Variants in SF3B3 observed in about 807,000 individuals in gnomAD.
The protein encoded by SF3B3 is splicing factor 3b subunit 3.
In SF3B3, 33 loss-of-function variants were observed where a neutral mutation model predicts 139.2. That is an observed-to-expected ratio of 0.24 (90% CI 0.18 to 0.32). The LOEUF (loss-of-function observed/expected upper bound fraction) is 0.32, where lower values mean the gene tolerates loss of function less well. Among genes scored for constraint, SF3B3 ranks in the 10% least tolerant of loss-of-function variants. The pLI, the probability that SF3B3 is intolerant of heterozygous loss-of-function variation, is 1.00. For missense variants in SF3B3, 818 were observed against 1,509.4 expected (o/e 0.54, Z 7.59); for synonymous variants, 596 against 563.6 (o/e 1.06, Z -0.81).
rs1249818247 is a variant in SF3B3, at chr16:70,563,969, T to C, written c.2382T>C (p.Ser794=). The stretch of plus-strand genomic sequence containing the variant: ...GGAAATTTGTCATCCACCCTGAGAG[T>C]AACAACCTTATTATCATTGAAACGG... The part of the protein sequence containing the change: ...TPRKFVIHPE[S]NNLIIIETDH... The change falls in exon 18 of 26, where the codon AGT becomes AGC. Residue 794 remains serine, a synonymous_variant. Coordinates refer to ENST00000302516, the MANE Select transcript of SF3B3 (RefSeq NM_012426.5). 5.6e-6 allele frequency: 9 copies of C among 1,613,862 alleles called. No individual in the cohort carries two copies. Among genetic ancestry groups the C allele is most frequent in the Non-Finnish European group, 7.6e-6 (9 of 1,180,004 alleles).
intron 4 of SF3B3, 61 bp downstream of exon 4, chr16:70,530,978 T>C: frequency 6.7e-7 from 1 of 1,499,378 alleles, no homozygotes; most frequent in Non-Finnish European, 9.0e-7. Flanking sequence ...TTTTTAAGAT[T>C]GTTTTCCGGC....
At chr16:70,536,066 T>G (rs2050162815) in intron 6 of SF3B3, among the ~76,000 whole-genome samples, 1 of 152,202 alleles carries the variant, frequency 6.6e-6, no homozygotes, top group Admixed American at 6.5e-5. Context: ...TATAGTTACC[T>G]TATGTATAGT....
In SF3B3 at chr16:70,561,611, G is replaced by GTTTTTTTTTTTTTTT; in HGVS notation, c.2134-9_2134-8insTTTTTTTTTTTTTTT. ...TTTTCCCAAACCTTATTGGAGCTGG[G>GTTTTTTTTTTTTTTT]TTTTTTTTTTCCCCTCAGGTATTGG... On this transcript the variant is annotated intron_variant, in intron 16 of 25. Coordinates refer to ENST00000302516, the MANE Select transcript of SF3B3 (RefSeq NM_012426.5). 1.4e-6 allele frequency: 2 copies of GTTTTTTTTTTTTTTT among 1,470,084 alleles called. No homozygotes were observed. Among genetic ancestry groups the GTTTTTTTTTTTTTTT allele is most frequent in the Admixed American group, 1.8e-5 (1 of 54,092 alleles). 91.1% of individuals were successfully genotyped at this position (1,470,084 alleles called of 1,614,324 possible). A position where few individuals can be genotyped will look rare whatever the true frequency, so the allele number is the denominator to read the frequency against.
At chr16:70,542,708 C>A (rs972366071) in intron 9 of SF3B3, among the ~76,000 whole-genome samples, 1 of 150,014 alleles carries the variant, frequency 6.7e-6, no homozygotes, top group Non-Finnish European at 1.5e-5. Flanking sequence ...TGACTAATTT[C>A]TTTTTTTTTC....
chr16:70,535,123 A>G (rs1189278491), intron 5 of SF3B3, among the ~76,000 whole-genome samples, 185 bp from the exon 6 acceptor site: 1 of 152,188 alleles, frequency 6.6e-6, no homozygotes, highest in Non-Finnish European at 1.5e-5. Context: ...CAAACCTTCC[A>G]TGTAAACACA....
At chr16:70,550,009 AG>A (rs940959333) in intron 11 of SF3B3, among the ~76,000 whole-genome samples, 2 of 152,170 alleles carry the variant, frequency 1.3e-5, no homozygotes, top group Non-Finnish European at 2.9e-5. Flanking sequence ...ATAGGGGTTG[AG>A]TGTCTCAAGA....
rs746383372 is a variant in SF3B3 at position 70,568,369 on chromosome 16, C to A, written c.3039C>A (p.Arg1013=). Residue 1013 remains arginine, a synonymous_variant, in exon 22 of 26, where the codon CGC becomes CGA. Transcript: ENST00000302516. ...TCCAAGAAAGTTTCATCTGGGTTCG[C>A]TACAAGCGTAATGAAAACCAGCTTA... is the stretch of plus-strand genomic sequence containing the variant. ...SDVQESFIWV[R]YKRNENQLII... The A allele has an allele frequency of 3.0e-5, 49 of 1,613,790 alleles. No homozygotes were observed. In the South Asian group the frequency reaches 4.7e-4, roughly 16 times the overall value.
In SF3B3 at chr16:70,526,623, C is replaced by G; in HGVS notation, c.-34C>G. 6.4e-7 allele frequency: 1 copy of G among 1,566,964 alleles called. No individual in the cohort carries two copies. The highest frequency in any genetic ancestry group is 8.8e-7 in the Non-Finnish European group (1 of 1,139,606). On this transcript the variant is annotated 5_prime_UTR_variant, in exon 2 of 26. Coordinates refer to ENST00000302516, the MANE Select transcript of SF3B3 (RefSeq NM_012426.5). The stretch of plus-strand genomic sequence containing the variant: ...TCCGTACTGTTGGTGTAACCAAGGC[C>G]TGGAGGTCTGGGTGGCTCAGGTTTC...
intron 20 of SF3B3, among the ~76,000 whole-genome samples, chr16:70,565,987 C>T (rs1407563812): frequency 2.0e-5 from 3 of 152,072 alleles, no homozygotes; most frequent in South Asian, 4.2e-4. Flanking sequence ...CATGGCGGCA[C>T]GCACCTGTAA....
intron 4 of SF3B3, among the ~76,000 whole-genome samples, chr16:70,531,354 G>T (rs28400424): frequency 6.6e-6 from 1 of 151,928 alleles, no homozygotes; most frequent in Non-Finnish European, 1.5e-5. Context: ...CCCAGGCTGG[G>T]GTGCAGTGGC....
At chr16:70,539,242 G>A in intron 8 of SF3B3, 35 bp downstream of exon 8, 1 of 1,495,090 alleles carries the variant, frequency 6.7e-7, no homozygotes, top group Non-Finnish European at 9.3e-7. Context: ...GTTCACCCTG[G>A]TTGGGATAAA....
chr16:70,573,685 T>C lies in SF3B3; in HGVS notation c.*1872T>C, dbSNP rs1415340952. The C allele has an allele frequency of 6.6e-6, 1 of 152,236 alleles. No individual in the cohort carries two copies. Among genetic ancestry groups the C allele is most frequent in the Non-Finnish European group, 1.5e-5 (1 of 68,044 alleles). 9.4% of individuals were successfully genotyped at this position (152,236 alleles called of 1,614,324 possible). A position where few individuals can be genotyped will look rare whatever the true frequency, so the allele number is the denominator to read the frequency against. On this transcript the variant is annotated 3_prime_UTR_variant, in exon 26 of 26. Transcript: ENST00000302516. ...TAATTGTTAAGGGGACCTGATTGAC[T>C]CCTGTGGTTTGATTGAGCAACCAGG...
rs557821220 is a variant in SF3B3, at chr16:70,575,239, C to T, written c.*3426C>T. The T allele has an allele frequency of 2.0e-4, 25 of 124,364 alleles. No homozygotes were observed. Among genetic ancestry groups the T allele is most frequent in the African/African-American group, 7.9e-4 (25 of 31,508 alleles). The allele number at this position is 124,364 out of a possible 1,614,324, so 7.7% of individuals were successfully genotyped here. A position where few individuals can be genotyped will look rare whatever the true frequency, so the allele number is the denominator to read the frequency against. On this transcript the variant is annotated 3_prime_UTR_variant, in exon 26 of 26. Transcript: ENST00000302516. The stretch of plus-strand genomic sequence containing the variant: ...TTTGAGATGAAGTCTTACTCTGTTG[C>T]CCAGGCTAGAGTACAGAGGCACAAT...
intron 7 of SF3B3, 98 bp from the exon 8 acceptor site, chr16:70,539,006 G>C (rs2050194408): frequency 1.1e-6 from 1 of 894,444 alleles, no homozygotes; most frequent in South Asian, 1.3e-5. Context: ...GGTCAGATAT[G>C]AAATACAGTA....
intron 6 of SF3B3, 54 bp from the exon 7 acceptor site, chr16:70,538,269 A>T (rs868284790): frequency 6.5e-7 from 1 of 1,535,994 alleles, no homozygotes. Context: ...GCTGAATTCC[A>T]GAACTAAGAA....
intron 17 of SF3B3, among the ~76,000 whole-genome samples, chr16:70,562,121 C>T (rs2050434577): frequency 6.6e-6 from 1 of 152,174 alleles, no homozygotes; most frequent in African/African-American, 2.4e-5. Context: ...ACCTTTCTTA[C>T]TCTGTCTTGT....
At chr16:70,527,897 T>G (rs2050080069) in intron 2 of SF3B3, among the ~76,000 whole-genome samples, 1 of 152,096 alleles carries the variant, frequency 6.6e-6, no homozygotes. Context: ...TGCCTCAGCC[T>G]CCTGAGTAGC....
chr16:70,553,446 A>G (rs931835043), intron 11 of SF3B3, among the ~76,000 whole-genome samples: 4 of 152,144 alleles, frequency 2.6e-5, no homozygotes, highest in Non-Finnish European at 5.9e-5. Flanking sequence ...GTCAGCCACT[A>G]CATTGTGTGG....
chr16:70,541,237 T>C (rs1253896787), intron 8 of SF3B3, among the ~76,000 whole-genome samples: 1 of 152,206 alleles, frequency 6.6e-6, no homozygotes, highest in Non-Finnish European at 1.5e-5. Context: ...GCCATTTGTG[T>C]ATCTTTGGAG....
Sources: gnomAD v4.1 joint callset for allele counts (sites outside exome capture counted in the v4.1 genomes callset) on GRCh38, gnomAD v4.1.1 for gene constraint, MANE v1.5 for transcripts, NCBI Gene and HGNC (gene_info 2026-07-23, HGNC 2026-07-21) for gene names.